The following PCNX1 variants were observed in gnomAD, a reference collection of about 807,000 sequenced individuals.
PCNX1 encodes the protein pecanex 1.
In PCNX1, 78 loss-of-function variants were observed where a neutral mutation model predicts 242.2. The ratio of observed to expected loss-of-function variants is 0.32; its 90% CI spans 0.27 to 0.39. The LOEUF is 0.39. PCNX1 is among the 10% of genes least tolerant of loss of function. The probability of loss-of-function intolerance (pLI) is 1.00; values close to 1 mark genes in which losing one functional copy is unlikely to be tolerated. For missense variants in PCNX1, 2,581 were observed against 2,856.5 expected (o/e 0.90, Z 2.20); for synonymous variants, 1,024 against 1,032.9 (o/e 0.99, Z 0.17).
chr14:70,929,529 CT>C (rs1320525696), intron 1 of PCNX1, among the ~76,000 whole-genome samples: 8 of 152,030 alleles, frequency 5.3e-5, no homozygotes, highest in African/African-American at 1.9e-4. Context: ...ATAACTGTTA[CT>C]AGGGTTATAA....
chr14:71,015,372 G>C (rs910822843), intron 11 of PCNX1, among the ~76,000 whole-genome samples: 2 of 152,154 alleles, frequency 1.3e-5, no homozygotes, highest in Non-Finnish European at 2.9e-5. Flanking sequence ...ACAGTGCTTC[G>C]TGTGGTTTAT....
intron 6 of PCNX1, among the ~76,000 whole-genome samples, chr14:70,986,523 G>A (rs1202196194): frequency 1.3e-5 from 2 of 152,106 alleles, no homozygotes; most frequent in Admixed American, 6.5e-5. Context: ...TTTCACCCCA[G>A]TACTATGGAA....
intron 8 of PCNX1, among the ~76,000 whole-genome samples, chr14:71,000,280 AG>A (rs61078301): frequency 6.6e-6 from 1 of 152,316 alleles, no homozygotes; most frequent in East Asian, 1.9e-4. Context: ...CAGAAATACA[AG>A]TTGACAAATA....
At chr14:71,010,659 A>G (rs540665397) in intron 9 of PCNX1, among the ~76,000 whole-genome samples, 6 of 152,150 alleles carry the variant, frequency 3.9e-5, no homozygotes, top group African/African-American at 1.4e-4. Context: ...TATTTATTCA[A>G]ATTGCACTTT....
intron 1 of PCNX1, among the ~76,000 whole-genome samples, chr14:70,939,227 G>A (rs190737125): frequency 2.0e-5 from 3 of 152,086 alleles, no homozygotes; most frequent in South Asian, 4.2e-4. Flanking sequence ...TGATGTTAGG[G>A]TGTCAATTTT....
intron 1 of PCNX1, among the ~76,000 whole-genome samples, chr14:70,942,081 G>T (rs1183494732): frequency 1.3e-5 from 2 of 152,114 alleles, no homozygotes; most frequent in African/African-American, 2.4e-5. Context: ...GCACTTCCCG[G>T]GTGAGGTGAT....
At position 71,013,825 on chromosome 14, in the gene PCNX1, G is replaced by A. The variant is rs376197722; in HGVS notation, c.2996+623G>A. On this transcript the variant is annotated intron_variant, in intron 11 of 35. Transcript: ENST00000304743. ...AGTTTCTAGGCTGCAAGACAGGGAG[G>A]GAGAACTGAAGTAGAGTCCAGCCAA... is the stretch of plus-strand genomic sequence containing the variant. 3.6e-3 allele frequency among the ~76,000 whole-genome samples: 550 copies of A among 152,332 alleles called. 1 individual carries two copies. The highest frequency in any genetic ancestry group is 0.013 in the African/African-American group (533 of 41,578).
At chr14:71,062,075 G>A (rs1313305144) in intron 26 of PCNX1, among the ~76,000 whole-genome samples, 1 of 152,146 alleles carries the variant, frequency 6.6e-6, no homozygotes, top group Non-Finnish European at 1.5e-5. Flanking sequence ...GAATGTTCTT[G>A]CTGCATTATC....
At position 71,050,672 on chromosome 14, in the gene PCNX1, A is replaced by G; in HGVS notation, c.4359A>G (p.Lys1453=). The G allele has an allele frequency of 1.2e-6, 2 of 1,606,366 alleles. No homozygotes were observed. The highest frequency in any genetic ancestry group is 1.7e-6 in the Non-Finnish European group (2 of 1,176,624). ...LFNKLWELLY[K]LQFVYTYIAP... is the part of the protein sequence containing the mutation. ...TGCAGCTTTGGGAACTACTTTATAA[A>G]TTGCAGTTTGTGTATACCTATATTG... The change falls in exon 23 of 36, where the codon AAA becomes AAG. Residue 1453 remains lysine (K), a synonymous_variant. Coordinates refer to ENST00000304743, the MANE Select transcript of PCNX1 (RefSeq NM_014982.3).
chr14:71,088,301 G>C (rs774273704), intron 28 of PCNX1, 29 bp from the exon 29 acceptor site: 1 of 1,305,386 alleles, frequency 7.7e-7, no homozygotes, highest in African/African-American at 1.4e-5. Flanking sequence ...ATACCTTTCT[G>C]ATAACTAATG....
intron 3 of PCNX1, among the ~76,000 whole-genome samples, chr14:70,962,924 G>T (rs1290486531): frequency 6.6e-6 from 1 of 152,204 alleles, no homozygotes. Context: ...CTCAGCAGAT[G>T]ATTTCATTGG....
intron 1 of PCNX1, among the ~76,000 whole-genome samples, chr14:70,930,554 T>C (rs1217515979): frequency 6.6e-6 from 1 of 152,136 alleles, no homozygotes; most frequent in Non-Finnish European, 1.5e-5. Context: ...AAAAGATAGA[T>C]ACAGATTTTT....
At chr14:70,940,197 G>A (rs2810111) in intron 1 of PCNX1, among the ~76,000 whole-genome samples, 67,212 of 151,932 alleles carry the variant, frequency 0.44, 16,269 homozygotes, top group Non-Finnish European at 0.55. Context: ...TATTTTGCCC[G>A]TTAGTTGATG....
chr14:71,042,766 A>G (rs2060747657), intron 19 of PCNX1, among the ~76,000 whole-genome samples: 1 of 151,822 alleles, frequency 6.6e-6, no homozygotes, highest in Non-Finnish European at 1.5e-5. Context: ...CATTTTGTTC[A>G]TTGTTTTCTG....
chr14:71,075,469 T>C (rs2061693838), intron 27 of PCNX1, among the ~76,000 whole-genome samples: 1 of 152,212 alleles, frequency 6.6e-6, no homozygotes, highest in Non-Finnish European at 1.5e-5. Flanking sequence ...GTTCTAAATA[T>C]ATATCTCTAT....
chr14:71,109,761 A>C, intron 35 of PCNX1, 34 bp from the exon 36 acceptor site: 1 of 1,610,806 alleles, frequency 6.2e-7, no homozygotes, highest in African/African-American at 1.3e-5. Context: ...CCAGGTCTCC[A>C]GTGCTAACTT....
intron 26 of PCNX1, among the ~76,000 whole-genome samples, chr14:71,062,699 G>T (rs559735020): frequency 1.3e-5 from 2 of 152,012 alleles, no homozygotes; most frequent in Non-Finnish European, 2.9e-5. Flanking sequence ...ATTTCATGTA[G>T]CCTAAGGTAT....
At chr14:70,991,118 A>C (rs138258381) in intron 7 of PCNX1, among the ~76,000 whole-genome samples, 15 of 152,206 alleles carry the variant, frequency 9.9e-5, no homozygotes, top group African/African-American at 2.9e-4. Flanking sequence ...CTAATGTTCT[A>C]ACTCCAGCCA....
chr14:70,917,479 C>T (rs1210330356), intron 1 of PCNX1, among the ~76,000 whole-genome samples: 1 of 152,178 alleles, frequency 6.6e-6, no homozygotes, highest in Non-Finnish European at 1.5e-5. Flanking sequence ...TCTATGTCTC[C>T]ATCAGAGCTC....
Sources: gnomAD v4.1 joint callset for allele counts (sites outside exome capture counted in the v4.1 genomes callset) on GRCh38, gnomAD v4.1.1 for gene constraint, MANE v1.5 for transcripts, NCBI Gene and HGNC (gene_info 2026-07-23, HGNC 2026-07-21) for gene names.